ADAMTSL2: variants seen among roughly 807,000 people sequenced by gnomAD.
ADAMTSL2 encodes ADAMTS like 2.
In ADAMTSL2, 55 loss-of-function variants were observed where a neutral mutation model predicts 117.0. The ratio of observed to expected loss-of-function variants is 0.47; its 90% CI spans 0.38 to 0.59. The LOEUF (loss-of-function observed/expected upper bound fraction) is 0.59, where lower values mean the gene tolerates loss of function less well. Among genes scored for constraint, ADAMTSL2 ranks in the 20% least tolerant of loss-of-function variants. ADAMTSL2 has a pLI of 0.00. For synonymous variants in ADAMTSL2, 572 were observed against 566.4 expected (o/e 1.01, Z -0.14); for missense variants, 1,182 against 1,354.5 (o/e 0.87, Z 2.00).
chr9:133,534,441 G>T, upstream of ADAMTSL2: 1 of 311,462 alleles, frequency 3.2e-6, no homozygotes, highest in Non-Finnish European at 5.8e-6. Flanking sequence ...CAGGCCAGCG[G>T]CTGCTCCGTC....
In ADAMTSL2 at chr9:133,534,859, C is replaced by T. The variant is rs991360738; in HGVS notation, c.-209C>T. ...GCACGCACAGCGCACCTGGCGCCGT[C>T]TGCCCTCCGCAGCGCTCGCCCCTTT... On this transcript the variant is annotated 5_prime_UTR_variant, in exon 1 of 19. Coordinates refer to ENST00000651351, the MANE Select transcript of ADAMTSL2 (RefSeq NM_014694.4). 1.5e-5 allele frequency: 22 copies of T among 1,491,266 alleles called. No individual in the cohort carries two copies. Among genetic ancestry groups the T allele is most frequent in the Non-Finnish European group, 2.0e-5 (22 of 1,116,040 alleles). 92.4% of individuals were successfully genotyped at this position (1,491,266 alleles called of 1,614,324 possible).
chr9:133,537,529 G>A lies in ADAMTSL2; in HGVS notation c.215G>A (p.Arg72Gln), dbSNP rs387907064. The A allele has an allele frequency of 2.2e-6, 3 of 1,350,642 alleles. No homozygotes were observed. Among genetic ancestry groups the A allele is most frequent in the Middle Eastern group, 2.0e-4 (1 of 5,066 alleles). 83.7% of individuals were successfully genotyped at this position (1,350,642 alleles called of 1,614,324 possible). Residue 72 changes from arginine to glutamine, a missense_variant, in exon 3 of 19, where the codon CGG (arginine) becomes CAG (glutamine). Around this residue, in one of 3 missense-constraint regions of ADAMTSL2, gnomAD observed 372 missense variants for 463.4 expected, o/e 0.80. Coordinates refer to ENST00000651351, the MANE Select transcript of ADAMTSL2 (RefSeq NM_014694.4). ...GGGGGTGGGGTGACATCCCAGGAGC[G>A]GCACTGCCTGCAGCAGAGGTGCGAG... ...SCGGGVTSQERHCLQQRRKSV... is the reference protein window; with the variant it reads ...SCGGGVTSQEQHCLQQRRKSV...
chr9:133,565,608 C>G (rs1465955210), intron 12 of ADAMTSL2, among the ~76,000 whole-genome samples: 5 of 152,332 alleles, frequency 3.3e-5, no homozygotes, highest in African/African-American at 1.2e-4. Context: ...CTGGCTCGTC[C>G]TTTACGGAAA....
rs1456982938 is a variant in ADAMTSL2 at position 133,575,509 on chromosome 9, T to G, written c.*645T>G. 1 of 153,720 alleles carries G rather than the reference T, an allele frequency of 6.5e-6. No individual in the cohort carries two copies. Among genetic ancestry groups the G allele is most frequent in the African/African-American group, 2.4e-5 (1 of 41,448 alleles). 9.5% of individuals were successfully genotyped at this position (153,720 alleles called of 1,614,324 possible). A position where few individuals can be genotyped will look rare whatever the true frequency, so the allele number is the denominator to read the frequency against. On this transcript the variant is annotated 3_prime_UTR_variant, in exon 19 of 19. Transcript: ENST00000651351. ...ATCTACGTTAATAAAGTGGTCCTAT[T>G]TATGGCGGCATCATGGGGTCTCAGT...
chr9:133,536,021 C>T (rs1322134520), intron 1 of ADAMTSL2, among the ~76,000 whole-genome samples: 2 of 152,198 alleles, frequency 1.3e-5, no homozygotes, highest in East Asian at 3.9e-4. Flanking sequence ...CCTGCCCTGC[C>T]CCTCCCCCAA....
rs754962186 is a variant in ADAMTSL2, at chr9:133,554,455, C to T, written c.1038C>T (p.Phe346=). Residue 346 remains phenylalanine (F), a synonymous_variant, in exon 10 of 19, where the codon TTC becomes TTT. Transcript: ENST00000651351. This position sits in a 1 kb window ranked among gnomAD's most constrained non-coding sequence, Gnocchi z 5.2. ...GCCCCCAGCCCATCTACTATGGCTT[C>T]TCCGAGAGCGCTGAGAGCCAGGGCC... The part of the protein sequence containing the change: ...ESRPQPIYYG[F]SESAESQGLD... 4 of 1,558,148 alleles carry T rather than the reference C, an allele frequency of 2.6e-6. No individual in the cohort carries two copies. In the African/African-American group the frequency reaches 4.1e-5, roughly 16 times the overall value.
Position 133,566,567 on chromosome 9 carries a change from C to T in ADAMTSL2, c.1748-369C>T, listed in dbSNP as rs1001902682. Among the ~76,000 whole-genome samples, 367 of 152,304 alleles carry T rather than the reference C, an allele frequency of 2.4e-3. 1 individual carries two copies. Among genetic ancestry groups the T allele is most frequent in the African/African-American group, 7.9e-3 (330 of 41,576 alleles). On this transcript the variant is annotated intron_variant, in intron 12 of 18. Coordinates refer to ENST00000651351, the MANE Select transcript of ADAMTSL2 (RefSeq NM_014694.4). ...GGCTGGAGCCGTCAGATGTCACTCC[C>T]GCCTGCCTGTCCACCCAGGGATGGG...
chr9:133,538,997 G>C (rs753588617), intron 4 of ADAMTSL2, among the ~76,000 whole-genome samples: 7 of 152,202 alleles, frequency 4.6e-5, no homozygotes, highest in Non-Finnish European at 8.8e-5. Flanking sequence ...GGGGCACGCC[G>C]AGCTGGGATC....
At chr9:133,559,990 C>T (rs1378954283) in intron 11 of ADAMTSL2, among the ~76,000 whole-genome samples, 2 of 152,220 alleles carry the variant, frequency 1.3e-5, no homozygotes, top group African/African-American at 4.8e-5. Context: ...GCTGTGGGAT[C>T]CTCCCATTCC....
rs756165826 is a variant in ADAMTSL2 at position 133,536,842 on chromosome 9, C to G, written c.90+40C>G. On this transcript the variant is annotated intron_variant, in intron 2 of 18. Transcript: ENST00000651351. ...GTGGTCTGAGGGCCCATGCCAGTCC[C>G]CTACCCAGGTGCTGTGATCACTCTC... The G allele has an allele frequency of 1.9e-6, 3 of 1,613,450 alleles. No individual in the cohort carries two copies. In the East Asian group the frequency reaches 6.7e-5, roughly 36 times the overall value.
Position 133,539,785 on chromosome 9 carries a change from C to A in ADAMTSL2, c.324C>A (p.Asp108Glu). 1 of 1,547,358 alleles carries A rather than the reference C, an allele frequency of 6.5e-7. No homozygotes were observed. The highest frequency in any genetic ancestry group is 1.2e-5 in the South Asian group (1 of 83,888). ...QLCRVQECPP[D>E]GRSFREEQCV... ...TCGCTTCCCAGGAGTGTCCGCCGGA[C>A]GGGAGGAGCTTCCGCGAGGAGCAGT... Residue 108 changes from aspartate (D) to glutamate (E), a missense_variant, in exon 5 of 19, where the codon GAC becomes GAA. Coordinates refer to ENST00000651351, the MANE Select transcript of ADAMTSL2 (RefSeq NM_014694.4).
At position 133,560,345 on chromosome 9, in the gene ADAMTSL2, G is replaced by A. The variant is rs1050946304; in HGVS notation, c.1650-853G>A. The stretch of plus-strand genomic sequence containing the variant: ...CTGTCCACCGCGCCGGCTTGCCATC[G>A]CCCCTTCTCTGGCTCAGGGGCGGCG... On this transcript the variant is annotated intron_variant, in intron 11 of 18. Transcript: ENST00000651351. Among the ~76,000 whole-genome samples the A allele has an allele frequency of 5.9e-5, 9 of 152,286 alleles. 1 individual carries two copies. Among genetic ancestry groups the A allele is most frequent in the Middle Eastern group, 6.8e-3 (2 of 294 alleles).
At chr9:133,567,099 A>T in intron 13 of ADAMTSL2, 37 bp downstream of exon 13, 1 of 1,578,676 alleles carries the variant, frequency 6.3e-7, no homozygotes, top group East Asian at 2.3e-5. Flanking sequence ...GGGGGTCGGC[A>T]GGGGGCGTGA....
intron 12 of ADAMTSL2, among the ~76,000 whole-genome samples, chr9:133,565,874 C>T (rs796847336): frequency 6.6e-5 from 10 of 151,836 alleles, no homozygotes; most frequent in Admixed American, 1.3e-4. Context: ...CACACACACA[C>T]AGCCACAGCA....
upstream of ADAMTSL2, chr9:133,534,507 C>T: frequency 2.0e-6 from 1 of 490,348 alleles, no homozygotes. Flanking sequence ...CCTCCCTGCT[C>T]GCCGCTCCTG....
chr9:133,532,606 GC>G (rs1829966029), upstream of ADAMTSL2: 1 of 152,278 alleles, frequency 6.6e-6, no homozygotes, highest in Non-Finnish European at 1.5e-5. Context: ...CATGGGGAAG[GC>G]CCTGAGAGGC....
In ADAMTSL2 at chr9:133,566,999, G is replaced by A; in HGVS notation, c.1811G>A (p.Cys604Tyr). The stretch of plus-strand genomic sequence containing the variant: ...GGCGTCGAGGTGGATGACAGCTACT[G>A]TGACGCCCTGACCCGTCCCGAGCCT... The part of the protein sequence containing the change: ...YDGVEVDDSY[C>Y]DALTRPEPVH... The change falls in exon 13 of 19, where the codon TGT becomes TAT. Residue 604 changes from cysteine (C) to tyrosine (Y), a missense_variant. By Grantham distance (194) the Cys-to-Tyr change is radical (BLOSUM62 -2). Coordinates refer to ENST00000651351, the MANE Select transcript of ADAMTSL2 (RefSeq NM_014694.4). 4 of 1,611,524 alleles carry A rather than the reference G, an allele frequency of 2.5e-6. No homozygotes were observed. Among genetic ancestry groups the A allele is most frequent in the Non-Finnish European group, 3.4e-6 (4 of 1,179,524 alleles).
In ADAMTSL2 at chr9:133,567,070, C is replaced by T; in HGVS notation, c.1874+8C>T. On this transcript the variant is annotated splice_region_variant and intron_variant, in intron 13 of 18. Transcript: ENST00000651351. ...GAGGGAGTGCCAGCCCAGGTACCTGCCACCAGGGGCCCTGGGCAGGGGGTC... is the reference window on the plus strand; with the variant it reads ...GAGGGAGTGCCAGCCCAGGTACCTGTCACCAGGGGCCCTGGGCAGGGGGTC... 4.4e-6 allele frequency: 7 copies of T among 1,603,830 alleles called. No homozygotes were observed. The highest frequency in any genetic ancestry group is 5.9e-6 in the Non-Finnish European group (7 of 1,178,900).
At chr9:133,550,886 C>T (rs954271199) in intron 9 of ADAMTSL2, among the ~76,000 whole-genome samples, 3 of 152,102 alleles carry the variant, frequency 2.0e-5, no homozygotes, top group African/African-American at 7.2e-5. Flanking sequence ...TAGTGCCTCT[C>T]GCATGGTGAC....
Sources: gnomAD v4.1 joint callset for allele counts (sites outside exome capture counted in the v4.1 genomes callset) on GRCh38, gnomAD v4.1.1 for gene constraint, gnomAD v4.1.1 regional missense constraint, Gnocchi (gnomAD v3.1) non-coding constraint, MANE v1.5 for transcripts, NCBI Gene and HGNC (gene_info 2026-07-23, HGNC 2026-07-21) for gene names.